The following RBM20 variants were observed in gnomAD, a reference collection of about 807,000 sequenced individuals.
The protein encoded by RBM20 is RNA binding motif protein 20, also known as RNA-binding protein 20.
A neutral mutation model predicts 110.1 loss-of-function variants in RBM20; 51 were observed. The observed-to-expected ratio is 0.46, with a 90% confidence interval of 0.37 to 0.59. RBM20 has a LOEUF of 0.59. Ranked by LOEUF, RBM20 falls within the 20% of genes least tolerant of loss-of-function variation. RBM20 has a pLI of 0.00. For missense variants in RBM20, 1,512 were observed against 1,574.9 expected (o/e 0.96, Z 0.68); for synonymous variants, 589 against 618.2 (o/e 0.95, Z 0.70).
chr10:110,787,887 G>C (rs143748538), intron 5 of RBM20, among the ~76,000 whole-genome samples: 1 of 152,028 alleles, frequency 6.6e-6, no homozygotes, highest in African/African-American at 2.4e-5. Context: ...ATTGTAGGAT[G>C]ATAATAAAAA....
Position 110,780,837 on chromosome 10 carries a change from C to T in RBM20, c.228C>T (p.Val76=), listed in dbSNP as rs1434647726. Residue 76 remains valine, a synonymous_variant, in exon 2 of 14, where the codon GTC becomes GTT. Transcript: ENST00000369519. ...AKLLDKNPFS[V]SNPNPLLPSP... ...TCCTGGACAAGAACCCATTCTCGGT[C>T]AGTAACCCGAACCCTCTGCTTCCTT... 4 of 1,540,784 alleles carry T rather than the reference C, an allele frequency of 2.6e-6. No homozygotes were observed. Among genetic ancestry groups the T allele is most frequent in the South Asian group, 1.2e-5 (1 of 82,764 alleles).
At chr10:110,666,300 A>G (rs1217155100) in intron 1 of RBM20, among the ~76,000 whole-genome samples, 2 of 152,172 alleles carry the variant, frequency 1.3e-5, no homozygotes, top group Non-Finnish European at 2.9e-5. Flanking sequence ...CTGTTTTCAG[A>G]TGTCCTTAAA....
At position 110,784,395 on chromosome 10, in the gene RBM20, C is replaced by T; in HGVS notation, c.1392C>T (p.Pro464=). The change falls in exon 4 of 14, where the codon CCC becomes CCT. Residue 464 remains proline (P), a synonymous_variant. Transcript: ENST00000369519. ...GSAEGTLCAS[P]NSTAVYNPAG... Reference sequence around the variant, plus strand: ...CAGAGGGAACATTGTGTGCTTCTCCCAACAGCACAGCTGTTTATAACCCTG... The same window carrying T: ...CAGAGGGAACATTGTGTGCTTCTCCTAACAGCACAGCTGTTTATAACCCTG... 6.4e-7 allele frequency: 1 copy of T among 1,551,404 alleles called. No homozygotes were observed. Among genetic ancestry groups the T allele is most frequent in the African/African-American group, 1.4e-5 (1 of 73,150 alleles).
At chr10:110,737,148 G>A (rs1294338836) in intron 1 of RBM20, among the ~76,000 whole-genome samples, 7 of 115,888 alleles carry the variant, frequency 6.0e-5, no homozygotes, top group Non-Finnish European at 1.2e-4. Flanking sequence ...TTGCACTCCA[G>A]CCTGGGCAAG....
In RBM20 at chr10:110,758,014, C is replaced by CTTTTTTTTTTTTTTTTT. The variant is rs760246427; in HGVS notation, c.192-22779_192-22763dup. 5.0e-5 allele frequency among the ~76,000 whole-genome samples: 4 copies of CTTTTTTTTTTTTTTTTT among 79,910 alleles called. 1 individual carries two copies. The highest frequency in any genetic ancestry group is 2.1e-4 in the African/African-American group (4 of 19,172). The allele number at this position is 79,910 out of a possible 152,430, so 52.4% of individuals were successfully genotyped here. A position where few individuals can be genotyped will look rare whatever the true frequency, so the allele number is the denominator to read the frequency against. ...AGAAAAGACAGGCAAGATCCTTGTT[C>CTTTTTTTTTTTTTTTTT]TTTTTTTTTTTTTTTTTTTTTTTTG... On this transcript the variant is annotated intron_variant, in intron 1 of 13. Coordinates refer to ENST00000369519, the MANE Select transcript of RBM20 (RefSeq NM_001134363.3).
intron 1 of RBM20, among the ~76,000 whole-genome samples, chr10:110,730,937 G>A (rs1843614709): frequency 6.6e-6 from 1 of 152,176 alleles, no homozygotes; most frequent in Non-Finnish European, 1.5e-5. Flanking sequence ...CTTAGAGCGT[G>A]CACACAGCAC....
In RBM20 at chr10:110,812,429, C is replaced by T; in HGVS notation, c.2032C>T (p.His678Tyr). The T allele has an allele frequency of 1.3e-6, 2 of 1,551,728 alleles. No homozygotes were observed. Among genetic ancestry groups the T allele is most frequent in the South Asian group, 1.2e-5 (1 of 84,066 alleles). The change falls in exon 9 of 14, where the codon CAC (histidine) becomes TAC (tyrosine). Residue 678 changes from histidine to tyrosine, a missense_variant. Coordinates refer to ENST00000369519, the MANE Select transcript of RBM20 (RefSeq NM_001134363.3). ...GGGCAATGGCCGGGACTCCTGGGAG[C>T]ACTCTCCCTATGCCAGGAGGGAGGA... is the stretch of plus-strand genomic sequence containing the variant. ...DWGNGRDSWE[H>Y]SPYARREEER...
intron 1 of RBM20, among the ~76,000 whole-genome samples, chr10:110,682,043 C>G (rs1361549590): frequency 6.6e-6 from 1 of 152,166 alleles, no homozygotes; most frequent in African/African-American, 2.4e-5. Flanking sequence ...TTGCCCATCA[C>G]CATGCCCGGC....
chr10:110,808,824 T>C (rs1844726891), intron 7 of RBM20, among the ~76,000 whole-genome samples: 1 of 152,132 alleles, frequency 6.6e-6, no homozygotes, highest in Admixed American at 6.5e-5. Context: ...CTCAGAGCAC[T>C]CATACCATGC....
At position 110,823,629 on chromosome 10, in the gene RBM20, C is replaced by A. The variant is rs901709377; in HGVS notation, c.3451+15C>A. The stretch of plus-strand genomic sequence containing the variant: ...CATTCCTCTAGGTAAGCAAAACACA[C>A]AGTCTTTCCTGAAATTCAGGTCTAG... On this transcript the variant is annotated intron_variant, in intron 12 of 13. Transcript: ENST00000369519. 1 of 1,550,774 alleles carries A rather than the reference C, an allele frequency of 6.4e-7. No homozygotes were observed. Among genetic ancestry groups the A allele is most frequent in the Non-Finnish European group, 8.7e-7 (1 of 1,146,628 alleles).
intron 13 of RBM20, among the ~76,000 whole-genome samples, chr10:110,834,887 C>A (rs1845103404): frequency 1.3e-5 from 2 of 152,228 alleles, no homozygotes; most frequent in Admixed American, 1.3e-4. Flanking sequence ...CCAAGAGCAA[C>A]CCAACCTGCC....
intron 5 of RBM20, among the ~76,000 whole-genome samples, chr10:110,788,664 A>G (rs77177926): frequency 6.6e-6 from 1 of 152,238 alleles, no homozygotes; most frequent in African/African-American, 2.4e-5. Flanking sequence ...GAGAACATTG[A>G]CATTTGAAGA....
intron 1 of RBM20, chr10:110,756,523 C>T (rs530522651): frequency 3.9e-5 from 6 of 152,314 alleles, no homozygotes; most frequent in African/African-American, 7.2e-5. Context: ...GTGGCTGATC[C>T]GCCTAGCTGG....
At chr10:110,800,531 A>G (rs1204885657) in intron 7 of RBM20, among the ~76,000 whole-genome samples, 4 of 152,166 alleles carry the variant, frequency 2.6e-5, no homozygotes, top group African/African-American at 9.7e-5. Flanking sequence ...CTGATTATAT[A>G]TTGTATGGTT....
intron 1 of RBM20, among the ~76,000 whole-genome samples, chr10:110,780,080 C>T (rs1363036868): frequency 6.6e-6 from 1 of 152,018 alleles, no homozygotes; most frequent in Non-Finnish European, 1.5e-5. Flanking sequence ...GGGGGGAGCA[C>T]GTAACCAAGG....
rs547422463 is a variant in RBM20, at chr10:110,686,867, C to T, written c.191+42222C>T. On this transcript the variant is annotated intron_variant, in intron 1 of 13. Transcript: ENST00000369519. ...CAGCCTGACCAACACGGTGAAACCC[C>T]GCCTCTACTAAAAATATAAAAATTA... Among the ~76,000 whole-genome samples, 5 of 151,630 alleles carry T rather than the reference C, an allele frequency of 3.3e-5. No homozygotes were observed. In the South Asian group the frequency reaches 8.4e-4, roughly 25 times the overall value.
chr10:110,652,920 C>A (rs1048294854), intron 1 of RBM20, among the ~76,000 whole-genome samples: 1 of 152,216 alleles, frequency 6.6e-6, no homozygotes, highest in Non-Finnish European at 1.5e-5. Context: ...TGCTCACCCA[C>A]CCACACGGGA....
At chr10:110,779,119 T>A (rs1426234238) in intron 1 of RBM20, among the ~76,000 whole-genome samples, 1 of 152,238 alleles carries the variant, frequency 6.6e-6, no homozygotes, top group Non-Finnish European at 1.5e-5. Flanking sequence ...AATATCTTTT[T>A]GTATGCTAAT....
At position 110,644,558 on chromosome 10, in the gene RBM20, C is replaced by G. The variant is rs2134792790; in HGVS notation, c.104C>G (p.Pro35Arg). Residue 35 changes from proline to arginine, a missense_variant, in exon 1 of 14, where the codon CCC (proline) becomes CGC (arginine). Pro to Arg is a moderately radical substitution (Grantham distance 103, BLOSUM62 -2). This residue lies in a region of RBM20 where 1,149 missense variants were observed against 1,169.4 expected (regional missense o/e 0.98). Transcript: ENST00000369519. The surrounding 1 kb of genome is among the most constrained non-coding windows in gnomAD (Gnocchi z 4.3). ...SVPGARASPA[P>R]SGPRGMQQPP... ...CCTGGTGCCCGGGCGTCCCCGGCAC[C>G]CTCCGGCCCGCGAGGGATGCAGCAG... The G allele has an allele frequency of 6.5e-7, 1 of 1,526,992 alleles. No homozygotes were observed. The allele number at this position is 1,526,992 out of a possible 1,614,324, so 94.6% of individuals were successfully genotyped here. A position where few individuals can be genotyped will look rare whatever the true frequency, so the allele number is the denominator to read the frequency against.
Sources: allele counts gnomAD v4.1 joint callset (sites outside exome capture counted in the v4.1 genomes callset), GRCh38; gene constraint gnomAD v4.1.1; regional missense constraint gnomAD v4.1.1; non-coding constraint Gnocchi (gnomAD v3.1); transcripts MANE v1.5; gene names NCBI Gene and HGNC (gene_info 2026-07-23, HGNC 2026-07-21).